PTPN1: variants seen among roughly 807,000 people sequenced by gnomAD.
The protein encoded by PTPN1 is tyrosine-protein phosphatase non-receptor type 1.
PTPN1 carries 12 observed loss-of-function variants against 59.9 expected under a neutral mutation model. The ratio of observed to expected loss-of-function variants is 0.20; its 90% CI spans 0.13 to 0.32. The LOEUF (loss-of-function observed/expected upper bound fraction) is 0.32. PTPN1 is among the 10% of genes least tolerant of loss of function. The probability of loss-of-function intolerance (pLI) is 1.00; values close to 1 mark genes in which losing one functional copy is unlikely to be tolerated. For synonymous variants in PTPN1, 178 were observed against 203.6 expected (o/e 0.87, Z 1.07); for missense variants, 356 against 549.2 (o/e 0.65, Z 3.52).
intron 1 of PTPN1, 28 bp from the exon 2 acceptor site, chr20:50,561,335 A>G (rs1165121394): frequency 6.6e-7 from 1 of 1,520,808 alleles, no homozygotes; most frequent in East Asian, 2.3e-5. Context: ...TCTGACGGTC[A>G]GTTAAATGTC....
At chr20:50,529,134 G>A (rs1174690591) in intron 1 of PTPN1, among the ~76,000 whole-genome samples, 1 of 152,132 alleles carries the variant, frequency 6.6e-6, no homozygotes, top group Non-Finnish European at 1.5e-5. Context: ...TCATCAGCTG[G>A]CCCTGCCTCC....
intron 5 of PTPN1, chr20:50,577,537 A>C (rs1327050325): frequency 6.6e-6 from 1 of 152,252 alleles, no homozygotes; most frequent in African/African-American, 2.4e-5. Context: ...AGGTCATTGA[A>C]GATGTTGCGT....
At chr20:50,561,261 C>T in intron 1 of PTPN1, 102 bp from the exon 2 acceptor site, 4 of 875,500 alleles carry the variant, frequency 4.6e-6, no homozygotes, top group South Asian at 1.7e-5. Flanking sequence ...GAATTATCAC[C>T]TTGCATTTCC....
intron 3 of PTPN1, among the ~76,000 whole-genome samples, chr20:50,565,937 A>C (rs1181358099): frequency 6.6e-6 from 1 of 152,246 alleles, no homozygotes; most frequent in East Asian, 1.9e-4. Context: ...GAGCTAGGTC[A>C]GGGCGCGTTC....
intron 1 of PTPN1, among the ~76,000 whole-genome samples, chr20:50,546,865 C>T (rs960686934): frequency 1.3e-5 from 2 of 152,234 alleles, no homozygotes; most frequent in South Asian, 4.1e-4. Flanking sequence ...TGTCTGCCAA[C>T]TACATGTGTC....
intron 1 of PTPN1, among the ~76,000 whole-genome samples, chr20:50,549,948 G>A (rs1296035512): frequency 1.3e-5 from 2 of 151,918 alleles, no homozygotes; most frequent in Non-Finnish European, 2.9e-5. Flanking sequence ...TATATTCCTC[G>A]GAGTATACTT....
chr20:50,573,015 G>A (rs185658307), intron 4 of PTPN1: 1 of 152,372 alleles, frequency 6.6e-6, no homozygotes, highest in African/African-American at 2.4e-5. Context: ...TTGGCTTCTG[G>A]TCTGGCACTG....
chr20:50,511,418 T>C (rs773851584), intron 1 of PTPN1, among the ~76,000 whole-genome samples: 6 of 152,122 alleles, frequency 3.9e-5, no homozygotes, highest in Non-Finnish European at 8.8e-5. Context: ...CGTGAGAATA[T>C]GGGGCTAAAG....
At chr20:50,561,265 C>T in intron 1 of PTPN1, 98 bp from the exon 2 acceptor site, 1 of 900,044 alleles carries the variant, frequency 1.1e-6, no homozygotes, top group East Asian at 2.5e-5. Flanking sequence ...TATCACCTTG[C>T]ATTTCCCATA....
intron 1 of PTPN1, among the ~76,000 whole-genome samples, chr20:50,534,471 C>T (rs2082615181): frequency 6.6e-6 from 1 of 152,090 alleles, no homozygotes; most frequent in Non-Finnish European, 1.5e-5. Context: ...CTTTCTGCTG[C>T]TTTTGTTTGG....
chr20:50,562,401 C>G (rs773364212), intron 2 of PTPN1, among the ~76,000 whole-genome samples: 1 of 152,186 alleles, frequency 6.6e-6, no homozygotes, highest in Non-Finnish European at 1.5e-5. Flanking sequence ...AAAAATGGAC[C>G]TAGACTTGGT....
intron 1 of PTPN1, among the ~76,000 whole-genome samples, chr20:50,550,467 CTGTT>C (rs966314244): frequency 7.9e-5 from 12 of 152,170 alleles, no homozygotes; most frequent in African/African-American, 2.7e-4. Context: ...TATTTTGACA[CTGTT>C]TGGTCAGAAG....
At chr20:50,565,617 A>C (rs2082775162) in intron 3 of PTPN1, among the ~76,000 whole-genome samples, 1 of 152,206 alleles carries the variant, frequency 6.6e-6, no homozygotes, top group Admixed American at 6.5e-5. Flanking sequence ...GTGGTTTAAT[A>C]ATTGAGCCTC....
At chr20:50,551,667 T>TG (rs1053230900) in intron 1 of PTPN1, among the ~76,000 whole-genome samples, 2 of 152,220 alleles carry the variant, frequency 1.3e-5, no homozygotes, top group South Asian at 2.1e-4. Context: ...AGGTGTGGAC[T>TG]GGGGGAAGGA....
Position 50,579,151 on chromosome 20 carries a change from T to G in PTPN1, c.703-17T>G. ...GAATTGGACCTGGCTGACTTATATC[T>G]CCTCTCTGGCTTTCAGATGGACAAG... On this transcript the variant is annotated splice_polypyrimidine_tract_variant and intron_variant, in intron 6 of 9. Coordinates refer to ENST00000371621, the MANE Select transcript of PTPN1 (RefSeq NM_002827.4). The G allele has an allele frequency of 6.2e-7, 1 of 1,613,638 alleles. No individual in the cohort carries two copies. Among genetic ancestry groups the G allele is most frequent in the Non-Finnish European group, 8.5e-7 (1 of 1,179,616 alleles).
intron 1 of PTPN1, among the ~76,000 whole-genome samples, chr20:50,520,518 A>G (rs1228959014): frequency 6.6e-6 from 1 of 152,162 alleles, no homozygotes; most frequent in Non-Finnish European, 1.5e-5. Flanking sequence ...GGATTTGTAA[A>G]AGATTATGAC....
At chr20:50,534,436 T>C (rs548312386) in intron 1 of PTPN1, among the ~76,000 whole-genome samples, 4 of 152,328 alleles carry the variant, frequency 2.6e-5, no homozygotes, top group African/African-American at 7.2e-5. Context: ...TAAGATTTTA[T>C]ATGTTTTCTA....
chr20:50,516,395 C>A (rs959000534), intron 1 of PTPN1, among the ~76,000 whole-genome samples: 1 of 152,120 alleles, frequency 6.6e-6, no homozygotes, highest in Non-Finnish European at 1.5e-5. Flanking sequence ...CCCTTACTTT[C>A]TTTGGGTTTT....
At chr20:50,532,167 G>A (rs1308070352) in intron 1 of PTPN1, among the ~76,000 whole-genome samples, 1 of 152,232 alleles carries the variant, frequency 6.6e-6, no homozygotes. Context: ...ACAATGGCCT[G>A]CAAAATAGAA....
Sources: allele counts gnomAD v4.1 joint callset (sites outside exome capture counted in the v4.1 genomes callset), GRCh38; gene constraint gnomAD v4.1.1; transcripts MANE v1.5; gene names NCBI Gene and HGNC (gene_info 2026-07-23, HGNC 2026-07-21).